PASD1: variants seen among roughly 807,000 people sequenced by gnomAD.
The protein encoded by PASD1 is PAS domain containing repressor 1.
Under a neutral mutation model 58.8 loss-of-function variants are expected in PASD1, and 13 were observed. The ratio of observed to expected loss-of-function variants is 0.22; its 90% CI spans 0.14 to 0.35. The LOEUF (loss-of-function observed/expected upper bound fraction) is 0.35. Among genes scored for constraint, PASD1 ranks in the 10% least tolerant of loss-of-function variants. The probability of loss-of-function intolerance (pLI) is 1.00; values close to 1 mark genes in which losing one functional copy is unlikely to be tolerated. For synonymous variants in PASD1, 236 were observed against 216.7 expected, an observed-to-expected ratio of 1.09 and a Z score of -0.78; for missense variants, 734 against 568.3, an observed-to-expected ratio of 1.29 and a Z score of -2.96.
chrX:151,571,126 G>A (rs1404902406), intron 1 of PASD1, among the ~76,000 whole-genome samples: 2 of 111,856 alleles, frequency 1.8e-5, no homozygotes, highest in Admixed American at 9.5e-5. Flanking sequence ...GGATTGAGGC[G>A]ATTTTGTAAA....
At chrX:151,652,572 T>A (rs2014145006) in intron 9 of PASD1, among the ~76,000 whole-genome samples, 1 of 104,886 alleles carries the variant, frequency 9.5e-6, no homozygotes, top group African/African-American at 3.4e-5. Context: ...CAAAAAAAAC[T>A]CAACCCAACC....
In PASD1 at chrX:151,648,497, G is replaced by T. The variant is rs1369127100; in HGVS notation, c.630-118G>T. On this transcript the variant is annotated intron_variant, in intron 8 of 15. Coordinates refer to ENST00000370357, the MANE Select transcript of PASD1 (RefSeq NM_173493.3). ...ATACCTCAAAGATTAATGATGTTCT[G>T]TAGTAGGGAAAATAAAACAAATAGT... 7.4e-6 allele frequency: 5 copies of T among 673,319 alleles called. No individual in the cohort carries two copies. In the East Asian group the frequency reaches 9.8e-5, roughly 13 times the overall value. The allele number at this position is 673,319 out of a possible 1,213,427, so 55.5% of individuals were successfully genotyped here.
At chrX:151,652,724 A>G (rs754642524) in intron 9 of PASD1, among the ~76,000 whole-genome samples, 1 of 111,014 alleles carries the variant, frequency 9.0e-6, no homozygotes, top group South Asian at 3.9e-4. Context: ...GAAGACATCT[A>G]TGGTCGGGGG....
chrX:151,603,076 A>G (rs5924967), intron 2 of PASD1, among the ~76,000 whole-genome samples: 57,779 of 111,098 alleles, frequency 0.52, 11,819 homozygotes, highest in East Asian at 0.95. Context: ...ACTTGCAGAT[A>G]CCTGAAACTG....
rs1041768980 is a variant in PASD1 at position 151,621,140 on chromosome X, A to G, written c.307+111A>G. The G allele has an allele frequency of 6.8e-6, 3 of 440,296 alleles. No homozygotes were observed. The Admixed American group carries it at 1.4e-4, about 20-fold the overall frequency. 36.3% of individuals were successfully genotyped at this position (440,296 alleles called of 1,213,427 possible). On this transcript the variant is annotated intron_variant, in intron 5 of 15. Transcript: ENST00000370357. ...TAGAGCACATACGGCTGTTGATCATATATTAATTTACTTTTATATAATATT... is the reference window on the plus strand; with the variant it reads ...TAGAGCACATACGGCTGTTGATCATGTATTAATTTACTTTTATATAATATT...
intron 3 of PASD1, among the ~76,000 whole-genome samples, chrX:151,609,004 A>G (rs1416695675): frequency 9.0e-6 from 1 of 110,902 alleles, no homozygotes; most frequent in African/African-American, 3.3e-5. Flanking sequence ...TTGACTTTTA[A>G]CATTCTTGAT....
chrX:151,670,439 ACT>A lies in PASD1; in HGVS notation c.1072-594_1072-593del, dbSNP rs748458043. ...TGGAGCATCATTTGCCCCATAGCACACTCTCTACTTTTATAAACCTGTACATT... is the reference window on the plus strand; with the variant it reads ...TGGAGCATCATTTGCCCCATAGCACACTCTACTTTTATAAACCTGTACATT... On this transcript the variant is annotated intron_variant, in intron 11 of 15. Transcript: ENST00000370357. Among the ~76,000 whole-genome samples, 4 of 111,863 alleles carry A rather than the reference ACT, an allele frequency of 3.6e-5. No homozygotes were observed. In the East Asian group the frequency reaches 1.1e-3, roughly 31 times the overall value.
chrX:151,581,986 C>T (rs201556110), intron 1 of PASD1, among the ~76,000 whole-genome samples: 6 of 74,282 alleles, frequency 8.1e-5, no homozygotes, highest in Admixed American at 2.0e-4. Flanking sequence ...TTTCTTTTTC[C>T]TTTTTTTTTT....
chrX:151,631,410 G>A (rs750772582), intron 8 of PASD1, among the ~76,000 whole-genome samples: 42 of 111,838 alleles, frequency 3.8e-4, no homozygotes, highest in African/African-American at 1.3e-3. Context: ...GGAGTCTTTG[G>A]AAAGTATGTG....
chrX:151,625,177 C>T (rs933140421), intron 7 of PASD1, among the ~76,000 whole-genome samples: 4 of 111,545 alleles, frequency 3.6e-5, no homozygotes, highest in East Asian at 2.8e-4. Context: ...TTTTTCACAG[C>T]GTGACTGTGT....
rs781256059 is a variant in PASD1, at chrX:151,655,971, G to A, written c.718-3742G>A. 4.5e-5 allele frequency among the ~76,000 whole-genome samples: 5 copies of A among 111,867 alleles called. No individual in the cohort carries two copies. In the South Asian group the frequency reaches 1.9e-3, roughly 42 times the overall value. On this transcript the variant is annotated intron_variant, in intron 9 of 15. Transcript: ENST00000370357. ...TGGTAATGCCTAGGTTTTCTTCTAG[G>A]GTTTTTATGGTTTTAGGTCTAACGT...
chrX:151,661,020 G>T (rs1212576681), intron 10 of PASD1, among the ~76,000 whole-genome samples: 2 of 110,960 alleles, frequency 1.8e-5, no homozygotes. Context: ...GGGCGTGGTG[G>T]CAGGCACGCC....
At chrX:151,624,900 T>G (rs2013763937) in intron 7 of PASD1, among the ~76,000 whole-genome samples, 3 of 112,095 alleles carry the variant, frequency 2.7e-5, no homozygotes, top group African/African-American at 9.7e-5. Flanking sequence ...ATTCCGTCTT[T>G]GTAGCCCTCT....
intron 1 of PASD1, among the ~76,000 whole-genome samples, chrX:151,573,999 A>T (rs1350934822): frequency 8.9e-6 from 1 of 112,405 alleles, no homozygotes; most frequent in Admixed American, 9.4e-5. Context: ...TAATGAGGCA[A>T]GGTAGAAATG....
chrX:151,628,398 C>G (rs371678688), intron 8 of PASD1, among the ~76,000 whole-genome samples: 4 of 111,980 alleles, frequency 3.6e-5, no homozygotes, highest in East Asian at 5.6e-4. Context: ...TGTAAGGAAG[C>G]GATCCAGTTT....
chrX:151,600,825 G>A lies in PASD1; in HGVS notation c.-27-702G>A, dbSNP rs182437059. Among the ~76,000 whole-genome samples, 32 of 111,810 alleles carry A rather than the reference G, an allele frequency of 2.9e-4. No homozygotes were observed. The East Asian group carries it at 8.4e-3, about 29-fold the overall frequency. ...GGGTTCATATTTTGTGCTCAGTACCGTTCCAGTGTTTGACTCCCTGAACTT... is the reference window on the plus strand; with the variant it reads ...GGGTTCATATTTTGTGCTCAGTACCATTCCAGTGTTTGACTCCCTGAACTT... On this transcript the variant is annotated intron_variant, in intron 1 of 15. Transcript: ENST00000370357.
intron 10 of PASD1, among the ~76,000 whole-genome samples, chrX:151,662,363 G>C (rs1365578912): frequency 9.1e-6 from 1 of 109,362 alleles, no homozygotes; most frequent in African/African-American, 3.3e-5. Context: ...CTTTTATCAT[G>C]TCTGCATCTT....
At chrX:151,574,714 G>A (rs1181589052) in intron 1 of PASD1, among the ~76,000 whole-genome samples, 1 of 112,426 alleles carries the variant, frequency 8.9e-6, no homozygotes, top group African/African-American at 3.2e-5. Context: ...GGCAAAAATG[G>A]TGTGTCCCTC....
chrX:151,630,076 C>T (rs2013848464), intron 8 of PASD1, among the ~76,000 whole-genome samples: 1 of 111,840 alleles, frequency 8.9e-6, no homozygotes, highest in Non-Finnish European at 1.9e-5. Context: ...ACACTCTTTC[C>T]CCTAAAGTTC....
Sources: allele counts gnomAD v4.1 joint callset (sites outside exome capture counted in the v4.1 genomes callset), GRCh38; gene constraint gnomAD v4.1.1; transcripts MANE v1.5; gene names NCBI Gene and HGNC (gene_info 2026-07-23, HGNC 2026-07-21).